PSTPIP1: variants seen among roughly 807,000 people sequenced by gnomAD.
PSTPIP1 encodes proline-serine-threonine phosphatase interacting protein 1.
In PSTPIP1, 66 loss-of-function variants were observed where a neutral mutation model predicts 69.6. The ratio of observed to expected loss-of-function variants is 0.95; its 90% CI spans 0.78 to 1.16. The LOEUF is 1.16. Among genes scored for constraint, PSTPIP1 ranks in the 50% most tolerant of loss-of-function variants. The probability of loss-of-function intolerance (pLI) is 0.00; values close to 1 mark genes in which losing one functional copy is unlikely to be tolerated. For synonymous variants in PSTPIP1, 266 were observed against 222.7 expected (o/e 1.19, Z -1.73); for missense variants, 603 against 557.4 (o/e 1.08, Z -0.82).
intron 12 of PSTPIP1, among the ~76,000 whole-genome samples, chr15:77,034,107 C>T (rs1224953921): frequency 6.6e-6 from 1 of 152,100 alleles, no homozygotes; most frequent in Non-Finnish European, 1.5e-5. Context: ...GGTCAGGCCT[C>T]TGGATGGGGC....
intron 7 of PSTPIP1, 43 bp downstream of exon 7, chr15:77,028,695 G>A (rs1437553573): frequency 2.1e-6 from 3 of 1,456,268 alleles, no homozygotes; most frequent in Admixed American, 4.3e-5. Flanking sequence ...CAGGGCTGGG[G>A]GCAGTGGGGG....
In PSTPIP1 at chr15:77,035,490, T is replaced by C; in HGVS notation, c.930-18T>C. On this transcript the variant is annotated intron_variant, in intron 12 of 14. Coordinates refer to ENST00000558012, the MANE Select transcript of PSTPIP1 (RefSeq NM_003978.5). Reference sequence around the variant, plus strand: ...GTGTGGGGCGGGGACACTCACCCTCTTTCCTCCCTGTTCCCAGGTTCTCTG... The same window carrying C: ...GTGTGGGGCGGGGACACTCACCCTCCTTCCTCCCTGTTCCCAGGTTCTCTG... 6.3e-7 allele frequency: 1 copy of C among 1,582,944 alleles called. No individual in the cohort carries two copies. Among genetic ancestry groups the C allele is most frequent in the South Asian group, 1.2e-5 (1 of 86,756 alleles).
At chr15:77,015,895 C>G (rs1192324725) in intron 1 of PSTPIP1, 2 of 455,086 alleles carry the variant, frequency 4.4e-6, no homozygotes, top group Admixed American at 4.7e-5. Context: ...GAGCGGGGGA[C>G]TGGGCGGGAT....
chr15:77,021,055 T>G (rs973836495), intron 3 of PSTPIP1, among the ~76,000 whole-genome samples: 10 of 152,084 alleles, frequency 6.6e-5, no homozygotes, highest in African/African-American at 2.2e-4. Context: ...GGCAGGGGAC[T>G]GGGGGATGGG....
At chr15:77,031,306 T>C (rs2076411260) in intron 10 of PSTPIP1, 28 bp downstream of exon 10, 1 of 1,605,224 alleles carries the variant, frequency 6.2e-7, no homozygotes, top group African/African-American at 1.3e-5. Flanking sequence ...TGGTGTGGGG[T>C]AAGGTAGGGC....
At chr15:77,036,881 C>A (rs2076588540) in intron 14 of PSTPIP1, among the ~76,000 whole-genome samples, 164 bp from the exon 15 acceptor site, 1 of 152,084 alleles carries the variant, frequency 6.6e-6, no homozygotes, top group African/African-American at 2.4e-5. Context: ...GATGGGAGGC[C>A]CGGTCCGTTG....
chr15:77,006,234 T>C (rs188673763), intron 1 of PSTPIP1, among the ~76,000 whole-genome samples: 1 of 152,358 alleles, frequency 6.6e-6, no homozygotes, highest in Non-Finnish European at 1.5e-5. Flanking sequence ...GTTGAGCATC[T>C]TTTCATGTGT....
At chr15:77,009,279 G>T (rs1450642535) in intron 1 of PSTPIP1, among the ~76,000 whole-genome samples, 1 of 152,118 alleles carries the variant, frequency 6.6e-6, no homozygotes, top group Non-Finnish European at 1.5e-5. Flanking sequence ...GGCTGCAGGG[G>T]TCCCTGCCTT....
intron 1 of PSTPIP1, chr15:77,007,869 C>G: frequency 2.2e-6 from 1 of 455,732 alleles, no homozygotes; most frequent in Non-Finnish European, 4.4e-6. Context: ...GCTGGGATTA[C>G]AAGTGTGAGC....
intron 3 of PSTPIP1, among the ~76,000 whole-genome samples, chr15:77,019,976 C>G (rs535567788): frequency 3.9e-4 from 60 of 152,314 alleles, no homozygotes; most frequent in African/African-American, 1.3e-3. Flanking sequence ...GAGGGTACCT[C>G]ATGGGGAGAA....
intron 3 of PSTPIP1, among the ~76,000 whole-genome samples, chr15:77,021,885 C>T (rs1265215218): frequency 2.6e-5 from 4 of 152,224 alleles, no homozygotes; most frequent in Non-Finnish European, 5.9e-5. Context: ...GTCACCTCCA[C>T]TCCCCTATTG....
chr15:77,037,031 A>AAT lies in PSTPIP1; in HGVS notation c.1120-13_1120-12dup. The AAT allele has an allele frequency of 6.2e-7, 1 of 1,611,092 alleles. No individual in the cohort carries two copies. ...GGCCCTTCCAACGTCATGCGCTTTC[A>AAT]ATCTCTTGGCCAGAACCCAGATGAG... On this transcript the variant is annotated splice_polypyrimidine_tract_variant and intron_variant, in intron 14 of 14. Coordinates refer to ENST00000558012, the MANE Select transcript of PSTPIP1 (RefSeq NM_003978.5).
At chr15:77,035,688 G>A in intron 13 of PSTPIP1, 114 bp from the exon 14 acceptor site, 1 of 1,477,330 alleles carries the variant, frequency 6.8e-7, no homozygotes, top group Non-Finnish European at 9.1e-7. Flanking sequence ...AACAGCAAGT[G>A]TGGACAGCAG....
Position 77,018,541 on chromosome 15 carries a change from C to A in PSTPIP1, c.212+10C>A. 1 of 1,551,316 alleles carries A rather than the reference C, an allele frequency of 6.4e-7. No homozygotes were observed. Among genetic ancestry groups the A allele is most frequent in the South Asian group, 1.2e-5 (1 of 83,886 alleles). Reference sequence around the variant, plus strand: ...GCCAGACGGAGATCAAGTAAGATCTCCCGGGCCCTGGGGCTCACTCCTCTC... The same window carrying A: ...GCCAGACGGAGATCAAGTAAGATCTACCGGGCCCTGGGGCTCACTCCTCTC... On this transcript the variant is annotated intron_variant, in intron 3 of 14. Transcript: ENST00000558012.
At chr15:77,009,042 G>A (rs1357255006) in intron 1 of PSTPIP1, among the ~76,000 whole-genome samples, 1 of 152,158 alleles carries the variant, frequency 6.6e-6, no homozygotes, top group East Asian at 1.9e-4. Context: ...AACTCTCTGA[G>A]CCTTGGTTCC....
intron 1 of PSTPIP1, among the ~76,000 whole-genome samples, chr15:77,006,882 C>T (rs1004036622): frequency 2.6e-5 from 4 of 152,182 alleles, no homozygotes; most frequent in Non-Finnish European, 5.9e-5. Flanking sequence ...AAGTGTGAGT[C>T]CTCCAAACTT....
At position 77,028,090 on chromosome 15, in the gene PSTPIP1, G is replaced by T. The variant is rs148152818; in HGVS notation, c.417+176G>T. 0.013 allele frequency among the ~76,000 whole-genome samples: 1,976 copies of T among 152,288 alleles called. 28 individuals carry two copies. Among genetic ancestry groups the T allele is most frequent in the African/African-American group, 0.036 (1,480 of 41,546 alleles). On this transcript the variant is annotated intron_variant, in intron 6 of 14. Coordinates refer to ENST00000558012, the MANE Select transcript of PSTPIP1 (RefSeq NM_003978.5). ...CGGGGCGCTTGGGCCCGTGCTGGGCGCTATGGCCCCGTGGGGATGGTCCCG... is the reference window on the plus strand; with the variant it reads ...CGGGGCGCTTGGGCCCGTGCTGGGCTCTATGGCCCCGTGGGGATGGTCCCG...
chr15:77,002,872 C>T (rs1022392104), intron 1 of PSTPIP1, among the ~76,000 whole-genome samples: 2 of 152,126 alleles, frequency 1.3e-5, no homozygotes, highest in South Asian at 4.1e-4. Context: ...TAGGGCAGCC[C>T]CTGGGATGGA....
intron 1 of PSTPIP1, among the ~76,000 whole-genome samples, chr15:77,011,713 G>A (rs1183696931): frequency 2.0e-5 from 3 of 152,012 alleles, no homozygotes; most frequent in Admixed American, 2.0e-4. Flanking sequence ...TGAGTCAGGG[G>A]ACCCCTAGAC....
Sources: allele counts gnomAD v4.1 joint callset (sites outside exome capture counted in the v4.1 genomes callset), GRCh38; gene constraint gnomAD v4.1.1; transcripts MANE v1.5; gene names NCBI Gene and HGNC (gene_info 2026-07-23, HGNC 2026-07-21).